ZNF503: variants seen among roughly 807,000 people sequenced by gnomAD.
ZNF503 encodes NocA-like zinc finger 2.
In ZNF503, 15 loss-of-function variants were observed where a neutral mutation model predicts 34.4. That is an observed-to-expected ratio of 0.44 (90% CI 0.29 to 0.67). ZNF503 has a LOEUF of 0.67. ZNF503 is among the 30% of genes least tolerant of loss of function. ZNF503 has a pLI of 0.13. For missense variants in ZNF503, 1,007 were observed against 926.8 expected (o/e 1.09, Z -1.12); for synonymous variants, 580 against 456.8 (o/e 1.27, Z -3.44).
chr10:75,401,751 C>A lies in ZNF503; in HGVS notation c.-332G>T. 2.9e-6 allele frequency: 1 copy of A among 350,306 alleles called. No individual in the cohort carries two copies. The highest frequency in any genetic ancestry group is 5.1e-6 in the Non-Finnish European group (1 of 195,256). The allele number at this position is 350,306 out of a possible 1,614,324, so 21.7% of individuals were successfully genotyped here. ...CTCTGCGATGCGAGCCGCTGCGTGTCCAGCCGGGGCTCTGGCGAGGAAACT... is the reference window on the plus strand; with the variant it reads ...CTCTGCGATGCGAGCCGCTGCGTGTACAGCCGGGGCTCTGGCGAGGAAACT... On this transcript the variant is annotated 5_prime_UTR_variant, in exon 1 of 2. Coordinates refer to ENST00000372524, the MANE Select transcript of ZNF503 (RefSeq NM_032772.6).
the ZNF503 span, among the ~76,000 whole-genome samples, chr10:75,372,494 C>T: frequency 6.6e-6 from 1 of 152,202 alleles, no homozygotes; most frequent in African/African-American, 2.4e-5. Flanking sequence ...CAAAGTAGTG[C>T]ACAGGTTTTC....
the ZNF503 span, among the ~76,000 whole-genome samples, chr10:75,295,200 G>T: frequency 6.6e-6 from 1 of 151,600 alleles, no homozygotes; most frequent in Non-Finnish European, 1.5e-5. The surrounding 1 kb of genome is among the most constrained non-coding windows in gnomAD (Gnocchi z 4.0). Context: ...ACGGCGCGGG[G>T]CGGGCCCGCC....
chr10:75,317,287 T>C, the ZNF503 span, among the ~76,000 whole-genome samples: 1 of 80,634 alleles, frequency 1.2e-5, no homozygotes, highest in South Asian at 3.0e-4. Context: ...TTTTTTTTTT[T>C]TTTTTTTTGA....
At chr10:75,394,826 C>A (rs1432367273), downstream of ZNF503, among the ~76,000 whole-genome samples, 1 of 152,156 alleles carries the variant, frequency 6.6e-6, no homozygotes, top group African/African-American at 2.4e-5. Context: ...GGTCCACAGG[C>A]TTGTGGCAGA....
chr10:75,297,313 A>C, the ZNF503 span, among the ~76,000 whole-genome samples: 22 of 152,194 alleles, frequency 1.4e-4, no homozygotes, highest in Middle Eastern at 3.4e-3. Flanking sequence ...TGTGTTTACA[A>C]GTCTCTTGCT....
At chr10:75,310,318 T>C in the ZNF503 span, among the ~76,000 whole-genome samples, 9 of 152,202 alleles carry the variant, frequency 5.9e-5, no homozygotes, top group African/African-American at 1.7e-4. Flanking sequence ...CTCTCTACGT[T>C]TGTCTTATAT....
At chr10:75,307,385 A>G in the ZNF503 span, among the ~76,000 whole-genome samples, 5 of 152,234 alleles carry the variant, frequency 3.3e-5, no homozygotes, top group Admixed American at 2.0e-4. Context: ...TCTTCATTCT[A>G]TGAAGGTTGA....
chr10:75,310,900 C>T, the ZNF503 span, among the ~76,000 whole-genome samples: 2 of 152,116 alleles, frequency 1.3e-5, no homozygotes, highest in African/African-American at 4.8e-5. Flanking sequence ...AGTCTCATAA[C>T]ATAATATGAA....
At chr10:75,374,831 T>C in the ZNF503 span, among the ~76,000 whole-genome samples, 2 of 152,142 alleles carry the variant, frequency 1.3e-5, no homozygotes, top group Non-Finnish European at 2.9e-5. Context: ...ACAAAGCAAA[T>C]CCACTAGTGA....
At chr10:75,330,153 C>T in the ZNF503 span, among the ~76,000 whole-genome samples, 2 of 152,228 alleles carry the variant, frequency 1.3e-5, no homozygotes, top group African/African-American at 4.8e-5. Context: ...TGATGTACCA[C>T]ATTTATTGAC....
At chr10:75,292,929 A>G in the ZNF503 span, among the ~76,000 whole-genome samples, 1 of 152,192 alleles carries the variant, frequency 6.6e-6, no homozygotes. Flanking sequence ...TACATGGCTC[A>G]AAATGGCTGC....
the ZNF503 span, among the ~76,000 whole-genome samples, chr10:75,377,371 C>G: frequency 2.6e-5 from 4 of 152,218 alleles, no homozygotes; most frequent in Admixed American, 6.5e-5. Context: ...CACCTAAACC[C>G]TGGAGTTAAT....
At chr10:75,389,545 C>G in the ZNF503 span, among the ~76,000 whole-genome samples, 1 of 152,170 alleles carries the variant, frequency 6.6e-6, no homozygotes. Context: ...GCTTGGCCAA[C>G]ATGGTGAAAC....
the ZNF503 span, among the ~76,000 whole-genome samples, chr10:75,316,928 T>G: frequency 2.6e-5 from 4 of 152,254 alleles, no homozygotes; most frequent in South Asian, 4.2e-4. Context: ...AGAGGGAAGT[T>G]TTAAAACATT....
At chr10:75,381,848 C>T in the ZNF503 span, among the ~76,000 whole-genome samples, 1 of 71,694 alleles carries the variant, frequency 1.4e-5, no homozygotes, top group Admixed American at 1.9e-4. Flanking sequence ...GACGGTCTCA[C>T]TTGGTGGCTC....
the ZNF503 span, among the ~76,000 whole-genome samples, chr10:75,356,467 A>G: frequency 0.79 from 119,559 of 152,164 alleles, 48,137 homozygotes; most frequent in African/African-American, 0.95. Flanking sequence ...CGCCTGCCTC[A>G]GCCTCCCAAA....
Position 75,401,250 on chromosome 10 carries a change from A to C in ZNF503, c.170T>G (p.Val57Gly), listed in dbSNP as rs767660621. 2.5e-6 allele frequency: 4 copies of C among 1,606,384 alleles called. No individual in the cohort carries two copies. The highest frequency in any genetic ancestry group is 3.4e-6 in the Non-Finnish European group (4 of 1,176,824). The change falls in exon 1 of 2, where the codon GTG becomes GGG. Residue 57 changes from valine (V) to glycine (G), a missense_variant. Coordinates refer to ENST00000372524, the MANE Select transcript of ZNF503 (RefSeq NM_032772.6). Reference protein sequence around the residue: ...SSPAGSTKPFVHAVPPSDPLR... With the variant: ...SSPAGSTKPFGHAVPPSDPLR... ...GGGGTCAGAGGGGGGCACGGCGTGCACAAAAGGCTTGGTGCTGCCGGCCGG... is the reference window on the plus strand; with the variant it reads ...GGGGTCAGAGGGGGGCACGGCGTGCCCAAAAGGCTTGGTGCTGCCGGCCGG...
At chr10:75,293,969 G>C in the ZNF503 span, among the ~76,000 whole-genome samples, 8 of 152,172 alleles carry the variant, frequency 5.3e-5, no homozygotes, top group Non-Finnish European at 1.0e-4. Flanking sequence ...GGACAGTGGG[G>C]AGTGGGCCTG....
the ZNF503 span, chr10:75,296,306 G>A: frequency 6.6e-6 from 1 of 152,476 alleles, no homozygotes; most frequent in South Asian, 2.1e-4. Flanking sequence ...TCATCGGCAT[G>A]AGAACTGGGT....
Sources: gnomAD v4.1 joint callset for allele counts (sites outside exome capture counted in the v4.1 genomes callset) on GRCh38, gnomAD v4.1.1 for gene constraint, Gnocchi (gnomAD v3.1) non-coding constraint, MANE v1.5 for transcripts, NCBI Gene and HGNC (gene_info 2026-07-23, HGNC 2026-07-21) for gene names.